Variants in LEPROT observed in about 807,000 individuals in gnomAD.
The protein encoded by LEPROT is leptin receptor gene-related protein.
LEPROT carries 3 observed loss-of-function variants against 15.4 expected under a neutral mutation model. That is an observed-to-expected ratio of 0.19 (90% CI 0.09 to 0.50). The LOEUF (loss-of-function observed/expected upper bound fraction) is 0.50, where lower values mean the gene tolerates loss of function less well. LEPROT is among the 20% of genes least tolerant of loss of function. LEPROT has a pLI of 0.97. For missense variants in LEPROT, 137 were observed against 162.2 expected (o/e 0.84, Z 0.84); for synonymous variants, 59 against 57.5 (o/e 1.03, Z -0.12).
rs1163219277 is a variant in LEPROT, at chr1:65,420,734, G to A, written c.10G>A (p.Val4Ile). The change falls in exon 1 of 4, where the codon GTT becomes ATT. Residue 4 changes from valine to isoleucine, a missense_variant. Coordinates refer to ENST00000371065, the MANE Select transcript of LEPROT (RefSeq NM_017526.5). ...CCCCAGTTCGGGAGACATGGCGGGC[G>A]TTAAAGGTACATCGCGGTCCCCGGC... MAG[V>I]KALVALSFSG... 4 of 1,582,918 alleles carry A rather than the reference G, an allele frequency of 2.5e-6. No individual in the cohort carries two copies. Among genetic ancestry groups the A allele is most frequent in the Middle Eastern group, 1.7e-4 (1 of 5,890 alleles).
At position 65,433,464 on chromosome 1, in the gene LEPROT, T is replaced by C; in HGVS notation, c.*1545T>C. 4.1e-6 allele frequency: 4 copies of C among 985,406 alleles called. No individual in the cohort carries two copies. The highest frequency in any genetic ancestry group is 4.8e-6 in the Non-Finnish European group (4 of 829,920). 61.0% of individuals were successfully genotyped at this position (985,406 alleles called of 1,614,324 possible). A position where few individuals can be genotyped will look rare whatever the true frequency, so the allele number is the denominator to read the frequency against. Reference sequence around the variant, plus strand: ...AAATATGGGAAGGAGAACCATTTGATCAGAATACAACCAATAGTCTTTAAG... The same window carrying C: ...AAATATGGGAAGGAGAACCATTTGACCAGAATACAACCAATAGTCTTTAAG... On this transcript the variant is annotated 3_prime_UTR_variant, in exon 4 of 4. Transcript: ENST00000371065.
chr1:65,434,628 T>C lies in LEPROT; in HGVS notation c.*2709T>C, dbSNP rs1408278845. On this transcript the variant is annotated 3_prime_UTR_variant, in exon 4 of 4. Coordinates refer to ENST00000371065, the MANE Select transcript of LEPROT (RefSeq NM_017526.5). ...TCTGAGACAGGGTAGTGTGAGTAGT[T>C]TGGAGGAAGGACAGTGCAACTTTCC... The C allele has an allele frequency of 3.0e-6, 3 of 985,342 alleles. No homozygotes were observed. The highest frequency in any genetic ancestry group is 1.2e-6 in the Non-Finnish European group (1 of 829,968). 61.0% of individuals were successfully genotyped at this position (985,342 alleles called of 1,614,324 possible).
At position 65,425,468 on chromosome 1, in the gene LEPROT, C is replaced by G. The variant is rs1646342526; in HGVS notation, c.92+90C>G. The stretch of plus-strand genomic sequence containing the variant: ...TTAGAGAGTTCGGTCAATTTAGCAC[C>G]AAGTTCTAACCAGTGAGTTAGTGGA... On this transcript the variant is annotated intron_variant, in intron 2 of 3. Transcript: ENST00000371065. 3.6e-6 allele frequency: 4 copies of G among 1,104,178 alleles called. No homozygotes were observed. The South Asian group carries it at 6.4e-5, about 18-fold the overall frequency. The allele number at this position is 1,104,178 out of a possible 1,614,324, so 68.4% of individuals were successfully genotyped here. A position where few individuals can be genotyped will look rare whatever the true frequency, so the allele number is the denominator to read the frequency against.
chr1:65,420,840 C>A, intron 1 of LEPROT, 100 bp downstream of exon 1: 1 of 1,379,634 alleles, frequency 7.2e-7, no homozygotes, highest in Non-Finnish European at 1.0e-6. Flanking sequence ...TGGGGAACGG[C>A]CTCACCACCC....
intron 2 of LEPROT, among the ~76,000 whole-genome samples, chr1:65,427,307 C>T (rs1203938000): frequency 3.3e-5 from 5 of 152,188 alleles, no homozygotes; most frequent in South Asian, 2.1e-4. Flanking sequence ...GCCGTGGTGG[C>T]TCATGCCTAT....
Position 65,433,790 on chromosome 1 carries a change from C to A in LEPROT, c.*1871C>A. The A allele has an allele frequency of 1.1e-6, 1 of 950,178 alleles. No individual in the cohort carries two copies. The highest frequency in any genetic ancestry group is 1.8e-5 in the African/African-American group (1 of 56,464). 58.9% of individuals were successfully genotyped at this position (950,178 alleles called of 1,614,324 possible). ...GCATTTATTGTATTGTAATAAATTT[C>A]ACTTTTAACTTTAAAAGTTTAACTT... On this transcript the variant is annotated 3_prime_UTR_variant, in exon 4 of 4. Coordinates refer to ENST00000371065, the MANE Select transcript of LEPROT (RefSeq NM_017526.5).
At chr1:65,424,910 G>A (rs1279867087) in intron 1 of LEPROT, among the ~76,000 whole-genome samples, 2 of 152,198 alleles carry the variant, frequency 1.3e-5, no homozygotes, top group East Asian at 1.9e-4. Context: ...CACGGTGAGA[G>A]GGATGGAGCC....
In LEPROT at chr1:65,433,555, A is replaced by C. The variant is rs1049024074; in HGVS notation, c.*1636A>C. 46 of 984,930 alleles carry C rather than the reference A, an allele frequency of 4.7e-5. No individual in the cohort carries two copies. The African/African-American group carries it at 7.3e-4, about 16-fold the overall frequency. The allele number at this position is 984,930 out of a possible 1,614,324, so 61.0% of individuals were successfully genotyped here. A position where few individuals can be genotyped will look rare whatever the true frequency, so the allele number is the denominator to read the frequency against. The stretch of plus-strand genomic sequence containing the variant: ...AATCCTTGAGGCTTGTGATCTGAGT[A>C]ATTAGCAGGTATGATGCTGGGACTG... On this transcript the variant is annotated 3_prime_UTR_variant, in exon 4 of 4. Coordinates refer to ENST00000371065, the MANE Select transcript of LEPROT (RefSeq NM_017526.5).
At position 65,429,077 on chromosome 1, in the gene LEPROT, T is replaced by G. The variant is rs191742907; in HGVS notation, c.93-785T>G. ...GAGATAAATGGCGTTTGATCAAGAC[T>G]AATCTATCAGATGGGAATAAGTGTT... On this transcript the variant is annotated intron_variant, in intron 2 of 3. Transcript: ENST00000371065. Among the ~76,000 whole-genome samples the G allele has an allele frequency of 3.5e-3, 540 of 152,320 alleles. 21 individuals are homozygous for G. Among genetic ancestry groups the G allele is most frequent in the Admixed American group, 0.033 (503 of 15,300 alleles).
Position 65,435,340 on chromosome 1 carries a change from G to A in LEPROT, c.*3421G>A, listed in dbSNP as rs190608216. 1 of 979,064 alleles carries A rather than the reference G, an allele frequency of 1.0e-6. No homozygotes were observed. Among genetic ancestry groups the A allele is most frequent in the East Asian group, 1.1e-4 (1 of 8,776 alleles). 60.6% of individuals were successfully genotyped at this position (979,064 alleles called of 1,614,324 possible). On this transcript the variant is annotated 3_prime_UTR_variant, in exon 4 of 4. Coordinates refer to ENST00000371065, the MANE Select transcript of LEPROT (RefSeq NM_017526.5). The stretch of plus-strand genomic sequence containing the variant: ...ATGTTCTCAGGGAAATGCTTAGGTG[G>A]TGTCACAAAATGTGCCTTTTCTTTT...
intron 2 of LEPROT, among the ~76,000 whole-genome samples, chr1:65,426,769 C>T (rs193274843): frequency 5.3e-5 from 8 of 151,960 alleles, no homozygotes; most frequent in African/African-American, 1.4e-4. Flanking sequence ...GAGGCTGAGG[C>T]GGGCAGATCA....
chr1:65,428,948 T>C (rs879882687), intron 2 of LEPROT, among the ~76,000 whole-genome samples: 1 of 152,142 alleles, frequency 6.6e-6, no homozygotes, highest in Non-Finnish European at 1.5e-5. Flanking sequence ...CATCTAAGCT[T>C]TTCACTAGTG....
At chr1:65,424,876 A>C (rs1646328394) in intron 1 of LEPROT, among the ~76,000 whole-genome samples, 1 of 152,178 alleles carries the variant, frequency 6.6e-6, no homozygotes, top group Non-Finnish European at 1.5e-5. Context: ...TTATCTCCCA[A>C]AGGTCCACCT....
chr1:65,434,681 C>T lies in LEPROT; in HGVS notation c.*2762C>T. The T allele has an allele frequency of 1.0e-6, 1 of 985,420 alleles. No homozygotes were observed. The highest frequency in any genetic ancestry group is 1.7e-5 in the African/African-American group (1 of 57,340). The allele number at this position is 985,420 out of a possible 1,614,324, so 61.0% of individuals were successfully genotyped here. On this transcript the variant is annotated 3_prime_UTR_variant, in exon 4 of 4. Transcript: ENST00000371065. ...CCCTTTTCCTAAGAACAAGGTCTTT[C>T]TCCTTTTAATTTTTCCACTCATTTT...
intron 2 of LEPROT, among the ~76,000 whole-genome samples, chr1:65,429,064 G>A (rs748899134): frequency 4.6e-5 from 7 of 152,266 alleles, no homozygotes; most frequent in African/African-American, 7.2e-5. Flanking sequence ...GATAAATGGC[G>A]TTTGATCAAG....
At chr1:65,430,885 A>G (rs1646472703) in intron 3 of LEPROT, among the ~76,000 whole-genome samples, 1 of 152,220 alleles carries the variant, frequency 6.6e-6, no homozygotes, top group Non-Finnish European at 1.5e-5. Context: ...TCCGACTGGC[A>G]TTTGATATGG....
rs1277475794 is a variant in LEPROT, at chr1:65,433,051, G to A, written c.*1132G>A. 1.2e-5 allele frequency: 12 copies of A among 985,162 alleles called. No individual in the cohort carries two copies. Among genetic ancestry groups the A allele is most frequent in the Non-Finnish European group, 1.4e-5 (12 of 829,910 alleles). 61.0% of individuals were successfully genotyped at this position (985,162 alleles called of 1,614,324 possible). ...TGGGGGAAGAGCTCCACTGAGATGC[G>A]GGCAGGGAGGCTGGGCTCGAGCCAG... On this transcript the variant is annotated 3_prime_UTR_variant, in exon 4 of 4. Transcript: ENST00000371065.
At chr1:65,425,159 T>A (rs1452133810) in intron 1 of LEPROT, 144 bp from the exon 2 acceptor site, 1 of 652,608 alleles carries the variant, frequency 1.5e-6, no homozygotes, top group Non-Finnish European at 2.7e-6. Flanking sequence ...TATGCAGCCA[T>A]CACTACTATC....
At position 65,433,926 on chromosome 1, in the gene LEPROT, A is replaced by G; in HGVS notation, c.*2007A>G. ...CAATAATCTGTCCTAACAGAACAGTAGCAATAAGTTTTAGGATACCATCTT... is the reference window on the plus strand; with the variant it reads ...CAATAATCTGTCCTAACAGAACAGTGGCAATAAGTTTTAGGATACCATCTT... On this transcript the variant is annotated 3_prime_UTR_variant, in exon 4 of 4. Transcript: ENST00000371065. 1 of 985,130 alleles carries G rather than the reference A, an allele frequency of 1.0e-6. No homozygotes were observed. The highest frequency in any genetic ancestry group is 1.2e-6 in the Non-Finnish European group (1 of 829,636). 61.0% of individuals were successfully genotyped at this position (985,130 alleles called of 1,614,324 possible).
Sources: gnomAD v4.1 joint callset for allele counts (sites outside exome capture counted in the v4.1 genomes callset) on GRCh38, gnomAD v4.1.1 for gene constraint, MANE v1.5 for transcripts, NCBI Gene and HGNC (gene_info 2026-07-23, HGNC 2026-07-21) for gene names.